The following SCFD2 variants were observed in gnomAD, a reference collection of about 807,000 sequenced individuals.
The protein encoded by SCFD2 is sec1 family domain containing 2.
Under a neutral mutation model 58.9 loss-of-function variants are expected in SCFD2, and 54 were observed. The ratio of observed to expected loss-of-function variants is 0.92; its 90% CI spans 0.74 to 1.15. The LOEUF is 1.15. Among genes scored for constraint, SCFD2 ranks in the 50% most tolerant of loss-of-function variants. SCFD2 has a pLI of 0.00. For missense variants in SCFD2, 805 were observed against 836.6 expected (o/e 0.96, Z 0.47); for synonymous variants, 321 against 335.9 (o/e 0.96, Z 0.49).
At chr4:53,197,302 G>A (rs1343332761) in intron 4 of SCFD2, among the ~76,000 whole-genome samples, 1 of 152,098 alleles carries the variant, frequency 6.6e-6, no homozygotes, top group Non-Finnish European at 1.5e-5. Context: ...AGATATGCTT[G>A]TCCCCAATCA....
At chr4:52,929,269 C>A (rs1719934316) in intron 5 of SCFD2, among the ~76,000 whole-genome samples, 1 of 152,152 alleles carries the variant, frequency 6.6e-6, no homozygotes, top group African/African-American at 2.4e-5. Context: ...GTGGTGGATT[C>A]ATGGGTGTTT....
chr4:52,916,277 A>C (rs894209725), intron 6 of SCFD2, among the ~76,000 whole-genome samples: 3 of 152,256 alleles, frequency 2.0e-5, no homozygotes, highest in African/African-American at 7.2e-5. Context: ...AAGGGTAAGA[A>C]GACTTTCTGC....
chr4:52,914,505 T>C (rs1248155658), intron 6 of SCFD2, among the ~76,000 whole-genome samples: 1 of 152,122 alleles, frequency 6.6e-6, no homozygotes, highest in African/African-American at 2.4e-5. Flanking sequence ...GCTTCATGGA[T>C]GGTCATAGGG....
chr4:53,274,914 C>A (rs1427054240), intron 3 of SCFD2, among the ~76,000 whole-genome samples: 1 of 152,194 alleles, frequency 6.6e-6, no homozygotes, highest in Non-Finnish European at 1.5e-5. Context: ...TATGTTTCAC[C>A]CATGCCATGT....
At chr4:53,060,250 GAAA>G (rs1366214365) in intron 5 of SCFD2, among the ~76,000 whole-genome samples, 1 of 152,096 alleles carries the variant, frequency 6.6e-6, no homozygotes, top group Non-Finnish European at 1.5e-5. Context: ...CTTTCTCTAT[GAAA>G]AAAGTACTGT....
intron 5 of SCFD2, among the ~76,000 whole-genome samples, chr4:53,119,814 C>A (rs1458613386): frequency 2.0e-5 from 3 of 152,230 alleles, no homozygotes; most frequent in Non-Finnish European, 2.9e-5. Flanking sequence ...AGTGACATCA[C>A]ACCACATTCC....
At chr4:53,360,514 C>T (rs1374765059) in intron 1 of SCFD2, among the ~76,000 whole-genome samples, 1 of 152,162 alleles carries the variant, frequency 6.6e-6, no homozygotes, top group Non-Finnish European at 1.5e-5. Context: ...TTCCATAAAC[C>T]AGTAGATAGG....
chr4:53,327,761 G>C (rs911675402), intron 2 of SCFD2, among the ~76,000 whole-genome samples: 6 of 152,090 alleles, frequency 3.9e-5, no homozygotes, highest in African/African-American at 1.4e-4. Flanking sequence ...ATATGCAAAG[G>C]GAAAAAACTT....
intron 5 of SCFD2, among the ~76,000 whole-genome samples, chr4:52,986,787 C>T (rs1044615509): frequency 2.0e-5 from 3 of 152,016 alleles, no homozygotes; most frequent in African/African-American, 7.2e-5. Context: ...GTGTGAGCCA[C>T]TGCGCTCGGC....
At chr4:53,301,901 AC>A (rs1416343803) in intron 3 of SCFD2, among the ~76,000 whole-genome samples, 11 of 152,038 alleles carry the variant, frequency 7.2e-5, no homozygotes, top group African/African-American at 2.2e-4. Flanking sequence ...AAATTCAACA[AC>A]CCTCCATGCT....
chr4:52,983,344 T>G (rs997830098), intron 5 of SCFD2, among the ~76,000 whole-genome samples: 1 of 152,184 alleles, frequency 6.6e-6, no homozygotes, highest in African/African-American at 2.4e-5. Flanking sequence ...ATGACTCTTG[T>G]GTTAAGTGTT....
chr4:53,179,524 C>T (rs1365773244), intron 4 of SCFD2, among the ~76,000 whole-genome samples: 2 of 152,168 alleles, frequency 1.3e-5, no homozygotes, highest in African/African-American at 4.8e-5. Context: ...AAGGAACAAC[C>T]AGTACCAGCC....
chr4:53,330,140 G>A (rs1381998663), intron 2 of SCFD2, among the ~76,000 whole-genome samples: 1 of 152,160 alleles, frequency 6.6e-6, no homozygotes, highest in Non-Finnish European at 1.5e-5. Flanking sequence ...GAAAGTGATG[G>A]GGAGAATGGA....
rs753875298 is a variant in SCFD2 at position 53,145,437 on chromosome 4, G to A, written c.1457C>T (p.Thr486Met). Residue 486 changes from threonine (T) to methionine (M), a missense_variant, in exon 5 of 9, where the codon ACG becomes ATG. Physicochemically the swap from Thr to Met is moderately conservative, Grantham distance 81. Transcript: ENST00000401642. ...TGCTTCACACAGGTCTTTGTCTACC[G>A]TGAGCTCTCCAGTGACAGAATAAAT... is the stretch of plus-strand genomic sequence containing the variant. ...IYIYSVTGEL[T>M]VDKDLCEAEE... 8.1e-6 allele frequency: 13 copies of A among 1,614,038 alleles called. No individual in the cohort carries two copies. The highest frequency in any genetic ancestry group is 6.7e-5 in the East Asian group (3 of 44,880).
At chr4:53,052,508 A>G (rs531791749) in intron 5 of SCFD2, among the ~76,000 whole-genome samples, 15 of 152,182 alleles carry the variant, frequency 9.9e-5, no homozygotes, top group Non-Finnish European at 2.2e-4. Context: ...ACAAGAAAAT[A>G]AAGACTGTGC....
At chr4:52,900,003 G>T (rs1719141814) in intron 7 of SCFD2, among the ~76,000 whole-genome samples, 1 of 152,112 alleles carries the variant, frequency 6.6e-6, no homozygotes, top group Non-Finnish European at 1.5e-5. Context: ...AGCTCCATCA[G>T]GTCCTTTAAG....
intron 5 of SCFD2, among the ~76,000 whole-genome samples, chr4:53,059,895 G>C (rs973495061): frequency 1.9e-4 from 29 of 152,162 alleles, no homozygotes; most frequent in African/African-American, 7.0e-4. Context: ...ATTTTATGCA[G>C]TAAAAAATCT....
chr4:53,202,971 A>T (rs1728296765), intron 4 of SCFD2, among the ~76,000 whole-genome samples: 1 of 152,212 alleles, frequency 6.6e-6, no homozygotes, highest in Non-Finnish European at 1.5e-5. Flanking sequence ...GTCATCTGCA[A>T]ACAGGGGCAA....
In SCFD2 at chr4:53,341,870, G is replaced by A. The variant is rs574139661; in HGVS notation, c.1007+10728C>T. ...TCCAGCCAAACTAAGCTTCAGAAGT[G>A]AAGGAGAAATAAAATCCTTTGCACA... On this transcript the variant is annotated intron_variant, in intron 2 of 8. Coordinates refer to ENST00000401642, the MANE Select transcript of SCFD2 (RefSeq NM_152540.4). Among the ~76,000 whole-genome samples the A allele has an allele frequency of 8.6e-3, 1,311 of 152,260 alleles. 17 individuals carry two copies. Among genetic ancestry groups the A allele is most frequent in the African/African-American group, 0.03 (1,237 of 41,550 alleles).
Sources: allele counts gnomAD v4.1 joint callset (sites outside exome capture counted in the v4.1 genomes callset), GRCh38; gene constraint gnomAD v4.1.1; transcripts MANE v1.5; gene names NCBI Gene and HGNC (gene_info 2026-07-23, HGNC 2026-07-21).